ZNF451: variants seen among roughly 807,000 people sequenced by gnomAD.
ZNF451 encodes E3 SUMO-protein ligase ZNF451.
In ZNF451, 80 loss-of-function variants were observed where a neutral mutation model predicts 107.1. That is an observed-to-expected ratio of 0.75 (90% CI 0.62 to 0.90). The LOEUF (loss-of-function observed/expected upper bound fraction) is 0.90, where lower values mean the gene tolerates loss of function less well. Among genes scored for constraint, ZNF451 ranks in the 40% least tolerant of loss-of-function variants. The probability of loss-of-function intolerance (pLI) is 0.00; values close to 1 mark genes in which losing one functional copy is unlikely to be tolerated. For missense variants in ZNF451, 1,107 were observed against 1,236.2 expected, an observed-to-expected ratio of 0.90 and a Z score of 1.57; for synonymous variants, 362 against 406.5, an observed-to-expected ratio of 0.89 and a Z score of 1.32.
At chr6:57,142,279 A>G (rs1035441706) in intron 9 of ZNF451, among the ~76,000 whole-genome samples, 184 bp downstream of exon 9, 1 of 152,252 alleles carries the variant, frequency 6.6e-6, no homozygotes, top group African/African-American at 2.4e-5. Flanking sequence ...ATATATTGAT[A>G]TTCTGCAAGT....
In ZNF451 at chr6:57,141,426, A is replaced by G. The variant is rs1417057890; in HGVS notation, c.827A>G (p.Asn276Ser). The G allele has an allele frequency of 6.2e-7, 1 of 1,612,370 alleles. No homozygotes were observed. Among genetic ancestry groups the G allele is most frequent in the East Asian group, 2.2e-5 (1 of 44,736 alleles). The change falls in exon 8 of 15, where the codon AAT (asparagine) becomes AGT (serine). Residue 276 changes from asparagine (N) to serine (S), a missense_variant. By Grantham distance (46) the Asn-to-Ser change is conservative. This residue lies in a region of ZNF451 where 339 missense variants were observed against 372.8 expected (regional missense o/e 0.91). Transcript: ENST00000370706. ...TGTTCAAAGCATATGTCTGGAAAGA[A>G]TCATTTCCATCAGAGTTTCAAACTG... ...EECSKHMSGK[N>S]HFHQSFKLGD...
rs958793439 is a variant in ZNF451 at position 57,090,362 on chromosome 6, C to T, written c.21+88C>T. On this transcript the variant is annotated intron_variant, in intron 1 of 14. Coordinates refer to ENST00000370706, the MANE Select transcript of ZNF451 (RefSeq NM_001031623.3). ...TGCGGTCTGAGGCCTGGTGCTCCGT[C>T]GCAGCCTCGGGGCGATACCTCTTCA... 16 of 1,564,702 alleles carry T rather than the reference C, an allele frequency of 1.0e-5. No individual in the cohort carries two copies. In the African/African-American group the frequency reaches 1.9e-4, roughly 19 times the overall value.
chr6:57,096,767 CTTTTTTTTTT>C (rs772840052), intron 2 of ZNF451, among the ~76,000 whole-genome samples: 9 of 79,954 alleles, frequency 1.1e-4, no homozygotes, highest in Admixed American at 5.2e-4. Flanking sequence ...AATTTTCAGT[CTTTTTTTTTT>C]TTTTTTTTTT....
intron 13 of ZNF451, among the ~76,000 whole-genome samples, chr6:57,154,895 T>A (rs1327842718): frequency 6.6e-6 from 1 of 152,150 alleles, no homozygotes; most frequent in Non-Finnish European, 1.5e-5. Flanking sequence ...CTCCTAGATT[T>A]TTTTTTTCTT....
At chr6:57,152,098 A>C in intron 11 of ZNF451, 123 bp from the exon 12 acceptor site, 1 of 793,778 alleles carries the variant, frequency 1.3e-6, no homozygotes, top group East Asian at 2.8e-5. Flanking sequence ...GAGTTCTTCC[A>C]CATTCTGATC....
chr6:57,142,090 T>C lies in ZNF451; in HGVS notation c.999T>C (p.His333=). The change falls in exon 9 of 15, where the codon CAT becomes CAC. Residue 333 remains histidine (H), a synonymous_variant. Coordinates refer to ENST00000370706, the MANE Select transcript of ZNF451 (RefSeq NM_001031623.3). The part of the protein sequence containing the change: ...TLRSHMELTA[H]FRVHCRNAGP... ...GTTCCCACATGGAGCTCACTGCCCA[T>C]TTCAGGTTTGTATTGGTCTGGAGCT... The C allele has an allele frequency of 6.2e-7, 1 of 1,611,768 alleles. No homozygotes were observed. Among genetic ancestry groups the C allele is most frequent in the Non-Finnish European group, 8.5e-7 (1 of 1,178,116 alleles).
At chr6:57,159,253 C>CTTGACAAA in intron 13 of ZNF451, 6 of 985,380 alleles carry the variant, frequency 6.1e-6, no homozygotes, top group Non-Finnish European at 7.2e-6. Context: ...CAAGTTAATC[C>CTTGACAAA]TTGACAAATC....
At chr6:57,165,182 T>G (rs1404091498) in intron 14 of ZNF451, 1 of 152,244 alleles carries the variant, frequency 6.6e-6, no homozygotes, top group Non-Finnish European at 1.5e-5. Context: ...GTCTTTGGCT[T>G]TTGACAGTTT....
At chr6:57,153,807 G>A in intron 12 of ZNF451, 54 bp from the exon 13 acceptor site, 1 of 1,573,994 alleles carries the variant, frequency 6.4e-7, no homozygotes, top group South Asian at 1.1e-5. Flanking sequence ...GATGTAACTT[G>A]TTTTGAAACT....
At position 57,147,903 on chromosome 6, in the gene ZNF451, G is replaced by C; in HGVS notation, c.1818G>C (p.Trp606Cys). Residue 606 changes from tryptophan to cysteine, a missense_variant, in exon 10 of 15, where the codon TGG (tryptophan) becomes TGC (cysteine). Physicochemically the swap from Trp to Cys is radical, Grantham distance 215 (BLOSUM62 -2). Around this residue, in one of 5 missense-constraint regions of ZNF451, gnomAD observed 608 missense variants for 649.2 expected, o/e 0.94. Coordinates refer to ENST00000370706, the MANE Select transcript of ZNF451 (RefSeq NM_001031623.3). ...CAAATAGTTCTCCGAGGGGTAAATG[G>C]CAATGCCGGATTTGTGAAGATATGT... ...SPANSSPRGKWQCRICEDMFD... is the reference protein window; with the variant it reads ...SPANSSPRGKCQCRICEDMFD... 1.2e-6 allele frequency: 2 copies of C among 1,614,110 alleles called. No homozygotes were observed. Among genetic ancestry groups the C allele is most frequent in the Non-Finnish European group, 1.7e-6 (2 of 1,179,990 alleles).
In ZNF451 at chr6:57,161,123, C is replaced by CA. The variant is rs754519367; in HGVS notation, c.3112dup (p.Ile1038AsnfsTer18). 6.5e-7 allele frequency: 1 copy of CA among 1,550,182 alleles called. No individual in the cohort carries two copies. Among genetic ancestry groups the CA allele is most frequent in the Non-Finnish European group, 8.7e-7 (1 of 1,152,698 alleles). On this transcript the variant is annotated frameshift_variant, in exon 14 of 15. Transcript: ENST00000370706. LOFTEE classifies it high-confidence loss of function. ...GATAACATGGGTGCCAAAAATACTTCAATAGGAGAAGAATTTATATCCACA... is the reference window on the plus strand; with the variant it reads ...GATAACATGGGTGCCAAAAATACTTCAAATAGGAGAAGAATTTATATCCACA...
chr6:57,152,743 A>G (rs1192296599), intron 12 of ZNF451, among the ~76,000 whole-genome samples: 2 of 152,046 alleles, frequency 1.3e-5, no homozygotes, highest in African/African-American at 4.8e-5. Context: ...ACAGGAGCAT[A>G]CCACCATGCC....
chr6:57,095,653 CCTTTTTTT>C (rs2127932811), intron 2 of ZNF451, among the ~76,000 whole-genome samples: 1 of 151,900 alleles, frequency 6.6e-6, no homozygotes, highest in Non-Finnish European at 1.5e-5. Context: ...TCCATATTTT[CCTTTTTTT>C]CTTTTCTCTT....
Position 57,099,154 on chromosome 6 carries a change from T to C in ZNF451, c.186+13T>C, listed in dbSNP as rs2127937324. On this transcript the variant is annotated intron_variant, in intron 3 of 14. Coordinates refer to ENST00000370706, the MANE Select transcript of ZNF451 (RefSeq NM_001031623.3). ...CTCTTATACTGATGTAAGTACATTA[T>C]ATTTGATTTGTGTTTCTTCACTTGT... is the stretch of plus-strand genomic sequence containing the variant. 1.3e-6 allele frequency: 2 copies of C among 1,583,112 alleles called. No individual in the cohort carries two copies. Among genetic ancestry groups the C allele is most frequent in the Non-Finnish European group, 8.7e-7 (1 of 1,152,276 alleles).
chr6:57,128,498 A>G (rs1831031719), intron 4 of ZNF451, among the ~76,000 whole-genome samples: 2 of 152,182 alleles, frequency 1.3e-5, no homozygotes, highest in Non-Finnish European at 1.5e-5. Flanking sequence ...TACTTAAACC[A>G]TACCCTGTTG....
intron 3 of ZNF451, chr6:57,100,913 A>G: frequency 1.3e-6 from 2 of 1,550,796 alleles, no homozygotes; most frequent in Non-Finnish European, 1.7e-6. Context: ...GTCAAAGAGA[A>G]TTTACGTATA....
Position 57,148,382 on chromosome 6 carries a change from C to T in ZNF451, c.2297C>T (p.Thr766Ile). 1 of 1,613,794 alleles carries T rather than the reference C, an allele frequency of 6.2e-7. No individual in the cohort carries two copies. The highest frequency in any genetic ancestry group is 8.5e-7 in the Non-Finnish European group (1 of 1,179,836). The change falls in exon 10 of 15, where the codon ACC (threonine) becomes ATC (isoleucine). Residue 766 changes from threonine (T) to isoleucine (I), a missense_variant. This residue lies in a region of ZNF451 where 608 missense variants were observed against 649.2 expected (regional missense o/e 0.94). Coordinates refer to ENST00000370706, the MANE Select transcript of ZNF451 (RefSeq NM_001031623.3). ...TGTTCGGCAACAGCACAGAATTTAA[C>T]CGACATGAACACTCATATCCATCAA... ...SLCSATAQNL[T>I]DMNTHIHQVH...
chr6:57,123,813 T>C (rs527954430), intron 3 of ZNF451, among the ~76,000 whole-genome samples: 96 of 152,342 alleles, frequency 6.3e-4, no homozygotes, highest in African/African-American at 2.0e-3. Context: ...AACTTCAAAT[T>C]CCACTTGTTC....
chr6:57,108,751 CAGT>C (rs1007390019), intron 3 of ZNF451: 1 of 985,244 alleles, frequency 1.0e-6, no homozygotes, highest in Non-Finnish European at 1.2e-6. Context: ...CCTGGGAAGG[CAGT>C]AGAAGAAAGA....
Sources: gnomAD v4.1 joint callset for allele counts (sites outside exome capture counted in the v4.1 genomes callset) on GRCh38, gnomAD v4.1.1 for gene constraint, gnomAD v4.1.1 regional missense constraint, MANE v1.5 for transcripts, NCBI Gene and HGNC (gene_info 2026-07-23, HGNC 2026-07-21) for gene names.